Variants in CEP43 observed in about 807,000 individuals in gnomAD.
CEP43 encodes FGFR1 oncogene partner.
In CEP43, 36 loss-of-function variants were observed where a neutral mutation model predicts 52.6. The ratio of observed to expected loss-of-function variants is 0.68; its 90% CI spans 0.52 to 0.90. CEP43 has a LOEUF of 0.90. CEP43 is among the 40% of genes least tolerant of loss of function. CEP43 has a pLI of 0.00. For missense variants in CEP43, 506 were observed against 472.8 expected, an observed-to-expected ratio of 1.07 and a Z score of -0.65; for synonymous variants, 192 against 172.4, an observed-to-expected ratio of 1.11 and a Z score of -0.89.
chr6:167,031,933 T>C (rs1780479542), intron 10 of CEP43, among the ~76,000 whole-genome samples: 2 of 152,222 alleles, frequency 1.3e-5, no homozygotes, highest in Admixed American at 1.3e-4. Flanking sequence ...TGCCTCACTA[T>C]TCACCATCCC....
intron 5 of CEP43, among the ~76,000 whole-genome samples, chr6:167,007,670 T>C (rs1258061688): frequency 6.6e-6 from 1 of 152,240 alleles, no homozygotes; most frequent in Non-Finnish European, 1.5e-5. Flanking sequence ...CTTTTGACTT[T>C]GACTGTAGAA....
Position 167,045,110 on chromosome 6 carries a change from C to CTTTTTTTTTTTTTTTTTT in CEP43, c.*5144_*5145insTTTTTTTTTTTTTTTTTT, listed in dbSNP as rs71032900. 1 of 142,800 alleles carries CTTTTTTTTTTTTTTTTTT rather than the reference C, an allele frequency of 7.0e-6. No individual in the cohort carries two copies. 8.8% of individuals were successfully genotyped at this position (142,800 alleles called of 1,614,324 possible). On this transcript the variant is annotated 3_prime_UTR_variant, in exon 13 of 13. Coordinates refer to ENST00000366847, the MANE Select transcript of CEP43 (RefSeq NM_007045.4). ...TTCAGACACTTGTATTTTTTTTTTC[C>CTTTTTTTTTTTTTTTTTT]TTTTTTTTTTTTGAGACTGAGTCAC...
In CEP43 at chr6:167,045,119, T is replaced by G. The variant is rs1186581396; in HGVS notation, c.*5141T>G. 1 of 151,564 alleles carries G rather than the reference T, an allele frequency of 6.6e-6. No homozygotes were observed. Among genetic ancestry groups the G allele is most frequent in the East Asian group, 1.9e-4 (1 of 5,156 alleles). 9.4% of individuals were successfully genotyped at this position (151,564 alleles called of 1,614,324 possible). On this transcript the variant is annotated 3_prime_UTR_variant, in exon 13 of 13. Coordinates refer to ENST00000366847, the MANE Select transcript of CEP43 (RefSeq NM_007045.4). ...TTGTATTTTTTTTTTCCTTTTTTTT[T>G]TTTGAGACTGAGTCACTGTCGCCCA... is the stretch of plus-strand genomic sequence containing the variant.
At chr6:167,022,308 C>CAT in intron 7 of CEP43, 101 bp from the exon 8 acceptor site, 1 of 777,848 alleles carries the variant, frequency 1.3e-6, no homozygotes, top group Non-Finnish European at 2.0e-6. Flanking sequence ...AGGTTGCACA[C>CAT]ACACAGGTTT....
chr6:167,019,780 A>G, intron 7 of CEP43, among the ~76,000 whole-genome samples: 1 of 152,156 alleles, frequency 6.6e-6, no homozygotes, highest in African/African-American at 2.4e-5. Context: ...ATGGATACCT[A>G]CTAGTTGCTC....
chr6:167,030,528 C>T (rs112377161), intron 10 of CEP43, among the ~76,000 whole-genome samples: 13 of 152,200 alleles, frequency 8.5e-5, no homozygotes, highest in African/African-American at 1.4e-4. Context: ...ACATGTCCCT[C>T]CTGACTGCTT....
At position 167,004,368 on chromosome 6, in the gene CEP43, T is replaced by C. The variant is rs1248915591; in HGVS notation, c.405T>C (p.Cys135=). Residue 135 remains cysteine, a synonymous_variant, in exon 5 of 13, where the codon TGT becomes TGC. Coordinates refer to ENST00000366847, the MANE Select transcript of CEP43 (RefSeq NM_007045.4). ...GPLLLEVIRR[C]QQKEKGPTTG... is the part of the protein sequence containing the mutation. Reference sequence around the variant, plus strand: ...TATTATTAGAAGTGATCAGGCGCTGTCAACAGAAAGAAAAAGGGCCAACCA... The same window carrying C: ...TATTATTAGAAGTGATCAGGCGCTGCCAACAGAAAGAAAAAGGGCCAACCA... The C allele has an allele frequency of 6.2e-7, 1 of 1,602,532 alleles. No homozygotes were observed. The highest frequency in any genetic ancestry group is 1.7e-5 in the Admixed American group (1 of 58,352).
At position 167,003,278 on chromosome 6, in the gene CEP43, A is replaced by C. The variant is rs376722073; in HGVS notation, c.211+31A>C. On this transcript the variant is annotated intron_variant, in intron 3 of 12. Coordinates refer to ENST00000366847, the MANE Select transcript of CEP43 (RefSeq NM_007045.4). ...ATGTTCAGTTTGTTCTTGTTTATCTATCTCTGAATTTTTGAATCTTGATAC... is the reference window on the plus strand; with the variant it reads ...ATGTTCAGTTTGTTCTTGTTTATCTCTCTCTGAATTTTTGAATCTTGATAC... 2.7e-5 allele frequency: 35 copies of C among 1,298,294 alleles called. No homozygotes were observed. In the African/African-American group the frequency reaches 4.6e-4, roughly 17 times the overall value. 80.4% of individuals were successfully genotyped at this position (1,298,294 alleles called of 1,614,324 possible). A position where few individuals can be genotyped will look rare whatever the true frequency, so the allele number is the denominator to read the frequency against.
intron 7 of CEP43, among the ~76,000 whole-genome samples, chr6:167,014,466 C>G (rs1240939180): frequency 6.6e-6 from 1 of 152,148 alleles, no homozygotes; most frequent in African/African-American, 2.4e-5. Flanking sequence ...GTTTTAGAAA[C>G]ATTATCAGTA....
intron 5 of CEP43, among the ~76,000 whole-genome samples, chr6:167,005,058 A>G (rs1362009234): frequency 6.6e-6 from 1 of 152,198 alleles, no homozygotes; most frequent in Non-Finnish European, 1.5e-5. Context: ...TTTTATAGAT[A>G]CAGGTAACAT....
At chr6:167,012,573 A>G (rs1285129978) in intron 6 of CEP43, among the ~76,000 whole-genome samples, 2 of 152,190 alleles carry the variant, frequency 1.3e-5, no homozygotes, top group Admixed American at 1.3e-4. Context: ...GCATTTGACT[A>G]TTTGGAAGCT....
rs1418444471 is a variant in CEP43 at position 167,051,209 on chromosome 6, G to GT, written c.*11232dup. 1 of 152,200 alleles carries GT rather than the reference G, an allele frequency of 6.6e-6. No homozygotes were observed. The highest frequency in any genetic ancestry group is 2.4e-5 in the African/African-American group (1 of 41,442). 9.4% of individuals were successfully genotyped at this position (152,200 alleles called of 1,614,324 possible). On this transcript the variant is annotated 3_prime_UTR_variant, in exon 13 of 13. Transcript: ENST00000366847. ...TTCTACAATAGTCAAGTTATTTATA[G>GT]TAATTGGGAAAGTTGCAAATCTTGT...
intron 6 of CEP43, among the ~76,000 whole-genome samples, chr6:167,012,943 C>A (rs1471353563): frequency 1.3e-5 from 2 of 152,188 alleles, no homozygotes; most frequent in Admixed American, 6.5e-5. Flanking sequence ...TGCATCTGTT[C>A]TAAAATAAAC....
intron 12 of CEP43, chr6:167,036,162 A>G (rs1780581820): frequency 3.0e-6 from 3 of 985,340 alleles, no homozygotes; most frequent in African/African-American, 1.7e-5. Flanking sequence ...CCAGTCATTC[A>G]TGGGCCATGA....
chr6:167,003,459 A>G, intron 3 of CEP43: 1 of 508,474 alleles, frequency 2.0e-6, no homozygotes, highest in Non-Finnish European at 3.4e-6. Context: ...TTACTACAAA[A>G]AGCCAATATT....
At chr6:167,007,587 TATTA>T (rs1466017200) in intron 5 of CEP43, among the ~76,000 whole-genome samples, 1 of 151,788 alleles carries the variant, frequency 6.6e-6, no homozygotes, top group Non-Finnish European at 1.5e-5. Context: ...CTTCATTATT[TATTA>T]GTGTTTTCTA....
intron 5 of CEP43, among the ~76,000 whole-genome samples, chr6:167,010,333 G>A (rs1319868206): frequency 6.6e-6 from 1 of 152,220 alleles, no homozygotes; most frequent in Non-Finnish European, 1.5e-5. Flanking sequence ...GAAAAAAAAT[G>A]TGTGAAAGTA....
chr6:167,000,714 A>T (rs1382543753), intron 2 of CEP43, among the ~76,000 whole-genome samples: 1 of 152,174 alleles, frequency 6.6e-6, no homozygotes, highest in Non-Finnish European at 1.5e-5. Context: ...AGACCTGTAT[A>T]CCTAATCTCT....
intron 10 of CEP43, among the ~76,000 whole-genome samples, chr6:167,029,073 T>C (rs1780413088): frequency 6.8e-6 from 1 of 146,146 alleles, no homozygotes; most frequent in Admixed American, 6.7e-5. Flanking sequence ...TTGTGTGTTT[T>C]TTTGTTTTTT....
Sources: gnomAD v4.1 joint callset for allele counts (sites outside exome capture counted in the v4.1 genomes callset) on GRCh38, gnomAD v4.1.1 for gene constraint, MANE v1.5 for transcripts, NCBI Gene and HGNC (gene_info 2026-07-23, HGNC 2026-07-21) for gene names.